BEND7: variants seen among roughly 807,000 people sequenced by gnomAD.
The protein encoded by BEND7 is BEN domain-containing protein 7.
Under a neutral mutation model 50.9 loss-of-function variants are expected in BEND7, and 28 were observed. The observed-to-expected ratio is 0.55, with a 90% CI of 0.41 to 0.75. The LOEUF is 0.75. Ranked by LOEUF, BEND7 falls within the 30% of genes least tolerant of loss-of-function variation. BEND7 has a pLI of 0.00. For synonymous variants in BEND7, 170 were observed against 183.9 expected (o/e 0.92, Z 0.61); for missense variants, 477 against 491.3 (o/e 0.97, Z 0.28).
At chr10:13,468,967 C>G (rs947393563) in intron 6 of BEND7, among the ~76,000 whole-genome samples, 1 of 152,226 alleles carries the variant, frequency 6.6e-6, no homozygotes, top group Non-Finnish European at 1.5e-5. Flanking sequence ...AGGCCCCATG[C>G]CCTGCAGGAG....
chr10:13,529,026 C>G (rs2079579207), upstream of BEND7: 1 of 145,284 alleles, frequency 6.9e-6, no homozygotes, highest in Non-Finnish European at 1.5e-5. Flanking sequence ...GGTGCAGAGC[C>G]GGCCGGGGCG....
Position 13,447,294 on chromosome 10 carries a change from T to G in BEND7, c.1206A>C (p.Arg402Ser). Residue 402 changes from arginine (R) to serine (S), a missense_variant, in exon 8 of 9, where the codon AGA becomes AGC. Arg to Ser is a moderately radical substitution (Grantham distance 110). Coordinates refer to ENST00000466271, the MANE Select transcript of BEND7 (RefSeq NM_001369863.1). Reference protein sequence around the residue: ...RGSEIADSDERLDGIALPPTV... With the variant: ...RGSEIADSDESLDGIALPPTV... ...TTGGTGGTAGAGCAATGCCGTCCAG[T>G]CTTTCATCACTGTCCGCGATCTCTG... 6.2e-7 allele frequency: 1 copy of G among 1,614,176 alleles called. No individual in the cohort carries two copies. Among genetic ancestry groups the G allele is most frequent in the Non-Finnish European group, 8.5e-7 (1 of 1,180,034 alleles).
chr10:13,463,462 A>G (rs1305434292), intron 6 of BEND7, among the ~76,000 whole-genome samples: 1 of 152,234 alleles, frequency 6.6e-6, no homozygotes, highest in Admixed American at 6.5e-5. Flanking sequence ...AACATGTGTG[A>G]GAGGAGCTCA....
At chr10:13,488,153 A>G (rs755772522) in intron 5 of BEND7, among the ~76,000 whole-genome samples, 16 of 151,782 alleles carry the variant, frequency 1.1e-4, no homozygotes, top group Non-Finnish European at 1.6e-4. Flanking sequence ...AATATCCACA[A>G]TTTATCTTCT....
At chr10:13,513,828 C>A (rs1179254322) in intron 2 of BEND7, among the ~76,000 whole-genome samples, 1 of 152,264 alleles carries the variant, frequency 6.6e-6, no homozygotes, top group Non-Finnish European at 1.5e-5. Flanking sequence ...TGCTCCAGCC[C>A]TGGCTCCTGC....
At position 13,528,633 on chromosome 10, in the gene BEND7, G is replaced by T; in HGVS notation, c.-100C>A. 1.7e-6 allele frequency: 1 copy of T among 581,956 alleles called. No individual in the cohort carries two copies. Among genetic ancestry groups the T allele is most frequent in the Non-Finnish European group, 2.2e-6 (1 of 464,506 alleles). 36.0% of individuals were successfully genotyped at this position (581,956 alleles called of 1,614,324 possible). A position where few individuals can be genotyped will look rare whatever the true frequency, so the allele number is the denominator to read the frequency against. On this transcript the variant is annotated 5_prime_UTR_variant, in exon 1 of 9. Coordinates refer to ENST00000466271, the MANE Select transcript of BEND7 (RefSeq NM_001369863.1). The stretch of plus-strand genomic sequence containing the variant: ...GGCGGCGCGGGCTCGTGTCACCGCG[G>T]CGGAGCCGCCGGGACCAAGGTCCGC...
intron 6 of BEND7, among the ~76,000 whole-genome samples, chr10:13,472,223 C>T (rs1219476260): frequency 6.6e-6 from 1 of 152,068 alleles, no homozygotes; most frequent in African/African-American, 2.4e-5. Context: ...GGGCTGATAT[C>T]CATCATCGCT....
chr10:13,474,928 C>T (rs903410917), intron 6 of BEND7, among the ~76,000 whole-genome samples: 2 of 152,260 alleles, frequency 1.3e-5, no homozygotes, highest in Non-Finnish European at 2.9e-5. Context: ...TGAAAGCAAT[C>T]AGAATCTCCT....
In BEND7 at chr10:13,490,077, T is replaced by C. The variant is rs74122775; in HGVS notation, c.837+2534A>G. ...CTGAGTAGGGACTATTGTTATCAGT[T>C]TGAAGACAGTGGCTGATCTGCCATG... On this transcript the variant is annotated intron_variant, in intron 5 of 8. Coordinates refer to ENST00000466271, the MANE Select transcript of BEND7 (RefSeq NM_001369863.1). 1.2e-3 allele frequency among the ~76,000 whole-genome samples: 190 copies of C among 152,338 alleles called. 1 individual carries two copies. The highest frequency in any genetic ancestry group is 4.5e-3 in the African/African-American group (186 of 41,572).
intron 7 of BEND7, among the ~76,000 whole-genome samples, chr10:13,450,497 G>A (rs150643071): frequency 3.9e-4 from 60 of 152,302 alleles, no homozygotes; most frequent in Non-Finnish European, 7.5e-4. Context: ...TGTGGAACAG[G>A]ATTTGACAAA....
chr10:13,504,832 T>G (rs1464007856), intron 2 of BEND7, among the ~76,000 whole-genome samples: 1 of 152,184 alleles, frequency 6.6e-6, no homozygotes, highest in Non-Finnish European at 1.5e-5. Context: ...GGACAAGATC[T>G]AAAAAGATTG....
At chr10:13,525,933 T>C (rs1408745232) in intron 2 of BEND7, among the ~76,000 whole-genome samples, 1 of 152,210 alleles carries the variant, frequency 6.6e-6, no homozygotes, top group Non-Finnish European at 1.5e-5. Flanking sequence ...GTGTAGACAC[T>C]AATAAACATT....
intron 2 of BEND7, among the ~76,000 whole-genome samples, chr10:13,516,377 GGAGTGCATCCTATTTCA>G (rs1453372428): frequency 6.6e-6 from 1 of 152,232 alleles, no homozygotes; most frequent in Non-Finnish European, 1.5e-5. Context: ...CAGGGGCACA[GGAGTGCATCCTATTTCA>G]GAGTTAGACT....
At chr10:13,468,981 T>C (rs905980562) in intron 6 of BEND7, among the ~76,000 whole-genome samples, 4 of 152,250 alleles carry the variant, frequency 2.6e-5, no homozygotes, top group African/African-American at 7.2e-5. Context: ...GCAGGAGACC[T>C]GAATATCCTA....
At chr10:13,526,028 T>C (rs560730827) in intron 2 of BEND7, 110 bp downstream of exon 2, 19 of 435,282 alleles carry the variant, frequency 4.4e-5, no homozygotes, top group African/African-American at 2.9e-4. Context: ...AAGAATGTCA[T>C]ACATTAAGCA....
At chr10:13,510,357 T>C (rs1047703369) in intron 2 of BEND7, among the ~76,000 whole-genome samples, 1 of 152,206 alleles carries the variant, frequency 6.6e-6, no homozygotes, top group Non-Finnish European at 1.5e-5. Flanking sequence ...AGGCTGTTGG[T>C]AGGGATGTAA....
chr10:13,499,095 A>G (rs897076469), intron 3 of BEND7, among the ~76,000 whole-genome samples: 1 of 152,228 alleles, frequency 6.6e-6, no homozygotes, highest in Non-Finnish European at 1.5e-5. Flanking sequence ...CAAATATTAT[A>G]GCATCCAGTG....
intron 2 of BEND7, 60 bp downstream of exon 2, chr10:13,526,077 TC>T (rs1213824016): frequency 5.7e-6 from 5 of 880,550 alleles, no homozygotes; most frequent in South Asian, 1.5e-5. Context: ...TTTCCTTTTT[TC>T]CCCCTAATTG....
At chr10:13,508,258 C>T (rs2078036665) in intron 2 of BEND7, among the ~76,000 whole-genome samples, 2 of 152,166 alleles carry the variant, frequency 1.3e-5, no homozygotes, top group African/African-American at 2.4e-5. Flanking sequence ...GACTGGGAGT[C>T]GAACTCAGCA....
Sources: gnomAD v4.1 joint callset for allele counts (sites outside exome capture counted in the v4.1 genomes callset) on GRCh38, gnomAD v4.1.1 for gene constraint, MANE v1.5 for transcripts, NCBI Gene and HGNC (gene_info 2026-07-23, HGNC 2026-07-21) for gene names.